ANXA11: variants seen among roughly 807,000 people sequenced by gnomAD.
ANXA11 encodes the protein 56 kDa autoantigen.
In ANXA11, 57 loss-of-function variants were observed where a neutral mutation model predicts 64.7. That is an observed-to-expected ratio of 0.88 (90% CI 0.71 to 1.10). ANXA11 has a LOEUF of 1.10. Ranked by LOEUF, ANXA11 falls within the 50% of genes least tolerant of loss-of-function variation. ANXA11 has a pLI of 0.00. For missense variants in ANXA11, 675 were observed against 670.7 expected (o/e 1.01, Z -0.07); for synonymous variants, 260 against 265.2 (o/e 0.98, Z 0.19).
At chr10:80,186,333 G>T (rs1846537853) in intron 1 of ANXA11, among the ~76,000 whole-genome samples, 1 of 152,092 alleles carries the variant, frequency 6.6e-6, no homozygotes, top group Non-Finnish European at 1.5e-5. Flanking sequence ...AACTGGGGAG[G>T]GTCAGGGCAG....
intron 1 of ANXA11, among the ~76,000 whole-genome samples, chr10:80,203,735 C>T (rs1036243147): frequency 3.9e-5 from 6 of 152,198 alleles, no homozygotes; most frequent in Non-Finnish European, 7.3e-5. Context: ...ATATCCCGTC[C>T]CTCCTGCTGG....
intron 9 of ANXA11, 115 bp from the exon 10 acceptor site, chr10:80,163,728 G>A: frequency 1.0e-6 from 1 of 987,592 alleles, no homozygotes. Context: ...TCTTGGCTCG[G>A]GCTCAAGAGA....
At position 80,156,424 on chromosome 10, in the gene ANXA11, C is replaced by T. The variant is rs548317462; in HGVS notation, c.1459-512G>A. 3.3e-4 allele frequency: 156 copies of T among 472,072 alleles called. 7 individuals carry two copies. Among genetic ancestry groups the T allele is most frequent in the South Asian group, 1.9e-3 (123 of 64,566 alleles). The allele number at this position is 472,072 out of a possible 1,614,324, so 29.2% of individuals were successfully genotyped here. A position where few individuals can be genotyped will look rare whatever the true frequency, so the allele number is the denominator to read the frequency against. ...TGGCTCATTTCTAATCATTTCCTTC[C>T]ACCCTAAGCAACTTGAGGGCAAGGC... On this transcript the variant is annotated intron_variant, in intron 15 of 15. Coordinates refer to ENST00000422982, the MANE Select transcript of ANXA11 (RefSeq NM_145868.2).
intron 11 of ANXA11, 85 bp from the exon 12 acceptor site, chr10:80,162,113 T>C: frequency 8.4e-7 from 1 of 1,184,948 alleles, no homozygotes; most frequent in Non-Finnish European, 1.2e-6. Context: ...GGTAAACTTC[T>C]GAAGGTTTGA....
At chr10:80,188,116 T>C (rs1846615982) in intron 1 of ANXA11, among the ~76,000 whole-genome samples, 1 of 151,886 alleles carries the variant, frequency 6.6e-6, no homozygotes, top group African/African-American at 2.4e-5. Context: ...GGCAGGCTTC[T>C]ACCACCCCCA....
intron 1 of ANXA11, among the ~76,000 whole-genome samples, chr10:80,187,388 A>G (rs1422701440): frequency 6.6e-6 from 1 of 152,184 alleles, no homozygotes; most frequent in African/African-American, 2.4e-5. Flanking sequence ...CTCACCAGAC[A>G]CTGAGTCTGC....
intron 1 of ANXA11, among the ~76,000 whole-genome samples, chr10:80,196,355 C>A (rs1840169822): frequency 6.6e-6 from 1 of 152,190 alleles, no homozygotes; most frequent in Non-Finnish European, 1.5e-5. Context: ...CCACCACCAC[C>A]TGCCACAGGG....
At chr10:80,183,021 T>C (rs925048657) in intron 1 of ANXA11, among the ~76,000 whole-genome samples, 3 of 152,146 alleles carry the variant, frequency 2.0e-5, no homozygotes, top group African/African-American at 7.2e-5. Flanking sequence ...TTTTCCTTCT[T>C]AGTTCACATT....
At chr10:80,166,320 A>AG (rs1347270251) in intron 7 of ANXA11, 123 bp from the exon 8 acceptor site, 5 of 614,708 alleles carry the variant, frequency 8.1e-6, no homozygotes, top group Non-Finnish European at 1.4e-5. Flanking sequence ...GACATCCCCC[A>AG]GGGGCCTGAG....
chr10:80,166,028 GCGCACACACGCGCGCACACACACA>G (rs1260913754), intron 8 of ANXA11, 32 bp downstream of exon 8: 27 of 985,042 alleles, frequency 2.7e-5, no homozygotes, highest in Non-Finnish European at 3.5e-5. Context: ...ATGCGCGCGT[GCGCACACACGCGCGCACACACACA>G]CACACACACA....
intron 1 of ANXA11, among the ~76,000 whole-genome samples, chr10:80,184,208 T>C (rs927622473): frequency 6.6e-6 from 1 of 152,244 alleles, no homozygotes; most frequent in Non-Finnish European, 1.5e-5. Flanking sequence ...TAACTGTTCA[T>C]ATCTCTAAAT....
At chr10:80,171,064 C>A (rs911307197) in intron 3 of ANXA11, 149 bp from the exon 4 acceptor site, 1 of 1,522,828 alleles carries the variant, frequency 6.6e-7, no homozygotes, top group Non-Finnish European at 8.8e-7. Flanking sequence ...CATGAAAACA[C>A]CAGGAGGAAA....
At chr10:80,198,422 T>A (rs1188689934) in intron 1 of ANXA11, among the ~76,000 whole-genome samples, 4 of 152,208 alleles carry the variant, frequency 2.6e-5, no homozygotes, top group Non-Finnish European at 5.9e-5. Context: ...GAAAGTGAGC[T>A]GTCTTGGGCC....
chr10:80,196,661 G>GGC (rs1840184010), intron 1 of ANXA11, among the ~76,000 whole-genome samples: 6 of 152,116 alleles, frequency 3.9e-5, no homozygotes, highest in Non-Finnish European at 7.4e-5. Context: ...CTGGTCACAG[G>GGC]TGCCATTAAG....
intron 1 of ANXA11, among the ~76,000 whole-genome samples, chr10:80,201,542 T>A (rs1447443163): frequency 2.0e-5 from 3 of 152,138 alleles, no homozygotes; most frequent in Non-Finnish European, 4.4e-5. Context: ...CCTCCAAACC[T>A]GGTCCTCATC....
At chr10:80,171,513 G>A in intron 3 of ANXA11, 2 of 670,574 alleles carry the variant, frequency 3.0e-6, no homozygotes, top group Non-Finnish European at 3.7e-6. Context: ...ATGTGCCCTG[G>A]GGCAAGGCTT....
chr10:80,168,463 C>T (rs1391715195), intron 5 of ANXA11, among the ~76,000 whole-genome samples: 1 of 152,178 alleles, frequency 6.6e-6, no homozygotes, highest in Non-Finnish European at 1.5e-5. Context: ...CTCCCTTGGG[C>T]CTTAAGCAAC....
At chr10:80,174,842 C>A (rs536180229) in intron 2 of ANXA11, among the ~76,000 whole-genome samples, 19 of 152,226 alleles carry the variant, frequency 1.2e-4, no homozygotes, top group Non-Finnish European at 1.8e-4. Context: ...CAGGCATGAG[C>A]CACTGTGCCC....
intron 8 of ANXA11, 104 bp downstream of exon 8, chr10:80,165,980 G>A (rs527565099): frequency 7.1e-5 from 48 of 676,258 alleles, no homozygotes; most frequent in African/African-American, 5.5e-4. Flanking sequence ...AACACAGCAC[G>A]CCATCCAGGC....
Sources: allele counts gnomAD v4.1 joint callset (sites outside exome capture counted in the v4.1 genomes callset), GRCh38; gene constraint gnomAD v4.1.1; transcripts MANE v1.5; gene names NCBI Gene and HGNC (gene_info 2026-07-23, HGNC 2026-07-21).